ZNF385D: variants seen among roughly 807,000 people sequenced by gnomAD.
ZNF385D encodes zinc finger protein 385D.
ZNF385D carries 15 observed loss-of-function variants against 35.8 expected under a neutral mutation model. The observed-to-expected ratio is 0.42, with a 90% CI of 0.28 to 0.64. ZNF385D has a LOEUF of 0.64. Among genes scored for constraint, ZNF385D ranks in the 30% least tolerant of loss-of-function variants. ZNF385D has a pLI of 0.23. For missense variants in ZNF385D, 474 were observed against 494.6 expected (o/e 0.96, Z 0.39); for synonymous variants, 212 against 186.8 (o/e 1.13, Z -1.10).
intron 3 of ZNF385D, among the ~76,000 whole-genome samples, chr3:21,889,845 A>C (rs950561325): frequency 6.6e-6 from 1 of 152,116 alleles, no homozygotes; most frequent in Non-Finnish European, 1.5e-5. Flanking sequence ...CCCCCTCTGA[A>C]GGTGCCACAG....
At chr3:21,981,757 G>C (rs1694465321) in intron 3 of ZNF385D, among the ~76,000 whole-genome samples, 2 of 152,182 alleles carry the variant, frequency 1.3e-5, no homozygotes, top group Admixed American at 1.3e-4. Context: ...TATGGAAGGA[G>C]TCCAGCTTCA....
At chr3:21,918,293 G>A (rs1012006530) in intron 3 of ZNF385D, among the ~76,000 whole-genome samples, 4 of 152,084 alleles carry the variant, frequency 2.6e-5, no homozygotes, top group Non-Finnish European at 5.9e-5. Context: ...AAAAGTGAGA[G>A]GCCAAAACAA....
chr3:21,741,903 AAAG>A (rs1334889425), intron 1 of ZNF385D, among the ~76,000 whole-genome samples: 8 of 152,300 alleles, frequency 5.3e-5, no homozygotes, highest in African/African-American at 1.9e-4. Context: ...GAAAAATGAC[AAAG>A]AATAGATTAG....
At chr3:22,173,010 C>A (rs190585801) in intron 2 of ZNF385D, among the ~76,000 whole-genome samples, 1 of 152,234 alleles carries the variant, frequency 6.6e-6, no homozygotes, top group Admixed American at 6.5e-5. Context: ...TTCACATCAA[C>A]AGTGACAGGT....
At chr3:22,022,888 G>A (rs1697307367) in intron 3 of ZNF385D, among the ~76,000 whole-genome samples, 1 of 152,042 alleles carries the variant, frequency 6.6e-6, no homozygotes, top group Non-Finnish European at 1.5e-5. Flanking sequence ...TTGTTTCTTT[G>A]TATACTTATT....
At chr3:22,132,652 G>A (rs1371293603) in intron 3 of ZNF385D, among the ~76,000 whole-genome samples, 1 of 151,776 alleles carries the variant, frequency 6.6e-6, no homozygotes, top group Non-Finnish European at 1.5e-5. Flanking sequence ...CTGTAGAAAC[G>A]TTACTTAATA....
At chr3:22,344,778 T>C (rs900649968) in intron 2 of ZNF385D, among the ~76,000 whole-genome samples, 8 of 152,284 alleles carry the variant, frequency 5.3e-5, no homozygotes, top group African/African-American at 1.9e-4. Flanking sequence ...TTAAGTATAT[T>C]TAATGAGGAT....
At chr3:22,278,239 A>G (rs1296075517) in intron 2 of ZNF385D, among the ~76,000 whole-genome samples, 1 of 151,522 alleles carries the variant, frequency 6.6e-6, no homozygotes, top group Non-Finnish European at 1.5e-5. Flanking sequence ...GTACAAAGTA[A>G]TTAACTCAAA....
At chr3:21,567,034 C>CCTT (rs761738018) in intron 2 of ZNF385D, among the ~76,000 whole-genome samples, 39 of 152,148 alleles carry the variant, frequency 2.6e-4, no homozygotes, top group Non-Finnish European at 3.8e-4. Context: ...GCAGCTTGTT[C>CCTT]CTTTTTATTG....
chr3:22,331,753 T>C (rs920924479), intron 2 of ZNF385D, among the ~76,000 whole-genome samples: 2 of 152,164 alleles, frequency 1.3e-5, no homozygotes, highest in African/African-American at 2.4e-5. Context: ...AGAAGCTCTA[T>C]TGATTCACCC....
At chr3:21,489,301 C>T (rs1003875315) in intron 4 of ZNF385D, among the ~76,000 whole-genome samples, 1 of 152,094 alleles carries the variant, frequency 6.6e-6, no homozygotes, top group Non-Finnish European at 1.5e-5. Flanking sequence ...TCTATGATTA[C>T]ATTATCAACT....
Position 21,694,324 on chromosome 3 carries a change from C to T in ZNF385D, c.23-29296G>A, listed in dbSNP as rs571093499. Among the ~76,000 whole-genome samples, 15 of 152,032 alleles carry T rather than the reference C, an allele frequency of 9.9e-5. No homozygotes were observed. The East Asian group carries it at 1.2e-3, about 12-fold the overall frequency. On this transcript the variant is annotated intron_variant, in intron 1 of 7. Transcript: ENST00000281523. ...TGCTGGGATTACAGGCGTGAGCCAC[C>T]GCGCCCAGCCTAGAAAATATTTTAA...
At chr3:21,743,020 A>G (rs1485400478) in intron 1 of ZNF385D, among the ~76,000 whole-genome samples, 2 of 152,338 alleles carry the variant, frequency 1.3e-5, no homozygotes, top group East Asian at 1.9e-4. Context: ...TAGTTCTCCA[A>G]ATAGAACCGT....
chr3:21,567,671 G>A (rs1007452892), intron 2 of ZNF385D, among the ~76,000 whole-genome samples: 2 of 152,046 alleles, frequency 1.3e-5, no homozygotes, highest in African/African-American at 2.4e-5. Flanking sequence ...TGTTTCTATC[G>A]GGATAAGGTG....
intron 3 of ZNF385D, among the ~76,000 whole-genome samples, chr3:21,938,288 G>A (rs1032716959): frequency 4.6e-5 from 7 of 152,102 alleles, no homozygotes; most frequent in African/African-American, 9.7e-5. Context: ...GACTGACACC[G>A]GTGAGCCTGG....
At chr3:22,248,209 A>C (rs2125324805) in intron 2 of ZNF385D, among the ~76,000 whole-genome samples, 2 of 152,306 alleles carry the variant, frequency 1.3e-5, no homozygotes, top group South Asian at 4.1e-4. Flanking sequence ...CTAAGGGGAA[A>C]GAAAACCAAC....
At chr3:22,225,181 A>G (rs1698479323) in intron 2 of ZNF385D, among the ~76,000 whole-genome samples, 1 of 152,076 alleles carries the variant, frequency 6.6e-6, no homozygotes, top group South Asian at 2.1e-4. Flanking sequence ...AATAATTTTG[A>G]TTGAGTAGAA....
At chr3:22,129,697 C>G (rs1409001721) in intron 3 of ZNF385D, among the ~76,000 whole-genome samples, 2 of 151,938 alleles carry the variant, frequency 1.3e-5, no homozygotes. Context: ...TGACTTCTTC[C>G]AGGACTCAGT....
chr3:22,313,791 TG>T, intron 2 of ZNF385D, among the ~76,000 whole-genome samples: 1 of 152,250 alleles, frequency 6.6e-6, no homozygotes, highest in East Asian at 1.9e-4. Flanking sequence ...TAAGCAAAAA[TG>T]GGAATTTGTT....
Sources: allele counts gnomAD v4.1 joint callset (sites outside exome capture counted in the v4.1 genomes callset), GRCh38; gene constraint gnomAD v4.1.1; transcripts MANE v1.5; gene names NCBI Gene and HGNC (gene_info 2026-07-23, HGNC 2026-07-21).